Variants in CENPF observed in about 807,000 individuals in gnomAD.
CENPF encodes centromere protein F.
A neutral mutation model predicts 307.3 loss-of-function variants in CENPF; 214 were observed. The observed-to-expected ratio is 0.70, with a 90% CI of 0.62 to 0.78. The LOEUF is 0.78. CENPF is among the 30% of genes least tolerant of loss of function. The probability of loss-of-function intolerance (pLI) is 0.00; values close to 1 mark genes in which losing one functional copy is unlikely to be tolerated. For synonymous variants in CENPF, 1,259 were observed against 1,270.6 expected, an observed-to-expected ratio of 0.99 and a Z score of 0.19; for missense variants, 3,401 against 3,483.9, an observed-to-expected ratio of 0.98 and a Z score of 0.60.
intron 10 of CENPF, among the ~76,000 whole-genome samples, chr1:214,633,812 A>C (rs1657876575): frequency 6.6e-6 from 1 of 152,218 alleles, no homozygotes; most frequent in African/African-American, 2.4e-5. Context: ...GTTTCAGCAA[A>C]ACAAATGTTT....
chr1:214,663,519 A>G (rs1658838022), intron 19 of CENPF, 72 bp from the exon 20 acceptor site: 1 of 1,426,976 alleles, frequency 7.0e-7, no homozygotes, highest in Non-Finnish European at 9.8e-7. Flanking sequence ...ACTTAGTGAC[A>G]TAGTGCTTTA....
At position 214,642,611 on chromosome 1, in the gene CENPF, C is replaced by T. The variant is rs373356010; in HGVS notation, c.4273C>T (p.His1425Tyr). The T allele has an allele frequency of 1.3e-5, 21 of 1,612,556 alleles. No individual in the cohort carries two copies. Among genetic ancestry groups the T allele is most frequent in the Non-Finnish European group, 1.6e-5 (19 of 1,179,266 alleles). Reference sequence around the variant, plus strand: ...TGAACACAAAATTTTACATGATCAGCACTGTCAGATGAGCTCTAAAATGTC... The same window carrying T: ...TGAACACAAAATTTTACATGATCAGTACTGTCAGATGAGCTCTAAAATGTC... Reference protein sequence around the residue: ...QSEHKILHDQHCQMSSKMSEL... With the variant: ...QSEHKILHDQYCQMSSKMSEL... The change falls in exon 12 of 20, where the codon CAC (histidine) becomes TAC (tyrosine). Residue 1425 changes from histidine (H) to tyrosine (Y), a missense_variant. Physicochemically the swap from His to Tyr is moderately conservative, Grantham distance 83 (BLOSUM62 2). Coordinates refer to ENST00000366955, the MANE Select transcript of CENPF (RefSeq NM_016343.4).
intron 10 of CENPF, among the ~76,000 whole-genome samples, chr1:214,636,032 TAAA>T (rs1337093849): frequency 6.6e-6 from 1 of 152,164 alleles, no homozygotes; most frequent in Admixed American, 6.5e-5. Context: ...ATTTGCAAAA[TAAA>T]AATGCTAAGT....
chr1:214,652,719 A>T, intron 15 of CENPF, 109 bp from the exon 16 acceptor site: 1 of 900,030 alleles, frequency 1.1e-6, no homozygotes. Context: ...CTGGGATTAC[A>T]GGTGTGAAAC....
In CENPF at chr1:214,648,827, A is replaced by C; in HGVS notation, c.7983A>C (p.Lys2661Asn). Reference protein sequence around the residue: ...QLLLEEIKSSKDQLKELTLEN... With the variant: ...QLLLEEIKSSNDQLKELTLEN... Reference sequence around the variant, plus strand: ...TGTTGGAAGAAATAAAGAGCAGCAAAGTAAGTTTCTTTGTGACAAGTGTTA... The same window carrying C: ...TGTTGGAAGAAATAAAGAGCAGCAACGTAAGTTTCTTTGTGACAAGTGTTA... The change falls in exon 14 of 20, where the codon AAA becomes AAC. Residue 2661 changes from lysine (K) to asparagine (N), a missense_variant and splice_region_variant. Coordinates refer to ENST00000366955, the MANE Select transcript of CENPF (RefSeq NM_016343.4). The C allele has an allele frequency of 6.2e-7, 1 of 1,612,970 alleles. No homozygotes were observed. Among genetic ancestry groups the C allele is most frequent in the Non-Finnish European group, 8.5e-7 (1 of 1,179,522 alleles).
rs1481500357 is a variant in CENPF, at chr1:214,664,333, A to G, written c.*539A>G. On this transcript the variant is annotated 3_prime_UTR_variant, in exon 20 of 20. Transcript: ENST00000366955. Reference sequence around the variant, plus strand: ...GTAGGAGTGTTTATCTTTCTCTTACAATCTGTTTTAGACATCTTTGCTTAT... The same window carrying G: ...GTAGGAGTGTTTATCTTTCTCTTACGATCTGTTTTAGACATCTTTGCTTAT... 1 of 153,500 alleles carries G rather than the reference A, an allele frequency of 6.5e-6. No individual in the cohort carries two copies. The allele number at this position is 153,500 out of a possible 1,614,324, so 9.5% of individuals were successfully genotyped here.
chr1:214,605,954 A>G, intron 1 of CENPF: 1 of 1,597,288 alleles, frequency 6.3e-7, no homozygotes, highest in Non-Finnish European at 8.5e-7. Flanking sequence ...GGCGACGCGC[A>G]TGCCCGAGGT....
At chr1:214,631,532 C>T (rs555952015) in intron 9 of CENPF, among the ~76,000 whole-genome samples, 4 of 151,934 alleles carry the variant, frequency 2.6e-5, no homozygotes, top group African/African-American at 9.7e-5. Context: ...CGGAGTCTCC[C>T]TCTGTCACCC....
rs1469270051 is a variant in CENPF, at chr1:214,664,088, C to T, written c.*294C>T. 4.0e-6 allele frequency: 1 copy of T among 247,764 alleles called. No homozygotes were observed. Among genetic ancestry groups the T allele is most frequent in the African/African-American group, 2.2e-5 (1 of 45,052 alleles). 15.3% of individuals were successfully genotyped at this position (247,764 alleles called of 1,614,324 possible). ...ACAATTAAAATGACAAGCACTATAT[C>T]ACAATCTCTGTTTGTATGTGGGTTT... is the stretch of plus-strand genomic sequence containing the variant. On this transcript the variant is annotated 3_prime_UTR_variant, in exon 20 of 20. Transcript: ENST00000366955.
intron 1 of CENPF, chr1:214,605,737 G>A (rs1657007786): frequency 6.3e-7 from 1 of 1,594,350 alleles, no homozygotes; most frequent in Admixed American, 1.7e-5. Context: ...GGTACTGGCT[G>A]TAGAGCTCGA....
chr1:214,626,540 CA>C (rs1338580460), intron 7 of CENPF, among the ~76,000 whole-genome samples: 2 of 152,170 alleles, frequency 1.3e-5, no homozygotes, highest in Non-Finnish European at 2.9e-5. Context: ...TTGATCCATG[CA>C]TTTAATATCC....
At chr1:214,615,713 T>C (rs1352472983) in intron 3 of CENPF, among the ~76,000 whole-genome samples, 3 of 152,012 alleles carry the variant, frequency 2.0e-5, no homozygotes, top group Non-Finnish European at 4.4e-5. Context: ...CCGAGGCAAG[T>C]GGATTACCTG....
At chr1:214,608,630 T>G in intron 1 of CENPF, 1 of 1,605,286 alleles carries the variant, frequency 6.2e-7, no homozygotes, top group Non-Finnish European at 8.5e-7. Flanking sequence ...GCGCGCTCCG[T>G]CAGGTGCAGC....
chr1:214,654,963 G>A (rs938508420), intron 16 of CENPF, among the ~76,000 whole-genome samples: 11 of 151,310 alleles, frequency 7.3e-5, no homozygotes, highest in Non-Finnish European at 1.5e-4. Flanking sequence ...ATTCCCATTG[G>A]ATAAATACAG....
chr1:214,632,529 A>T lies in CENPF; in HGVS notation c.1373A>T (p.Gln458Leu). The change falls in exon 10 of 20, where the codon CAA becomes CTA. Residue 458 changes from glutamine to leucine, a missense_variant. Coordinates refer to ENST00000366955, the MANE Select transcript of CENPF (RefSeq NM_016343.4). ...GAAAACAATTTGGAAGAGTTTAAGC[A>T]AAAGTTGTGCAGAGCTGAACAGGCG... ...QLENNLEEFK[Q>L]KLCRAEQAFQ... 1 of 1,614,168 alleles carries T rather than the reference A, an allele frequency of 6.2e-7. No homozygotes were observed. Among genetic ancestry groups the T allele is most frequent in the Admixed American group, 1.7e-5 (1 of 60,020 alleles).
At chr1:214,603,593 G>A (rs17023266) in intron 1 of CENPF, 12,069 of 152,158 alleles carry the variant, frequency 0.079, 1,277 homozygotes, top group African/African-American at 0.25. Flanking sequence ...CTCGGTCACG[G>A]ACTCACACTT....
intron 7 of CENPF, among the ~76,000 whole-genome samples, chr1:214,623,548 T>C (rs1354312789): frequency 2.2e-5 from 3 of 136,108 alleles, no homozygotes; most frequent in Admixed American, 6.8e-5. Flanking sequence ...TGTTATTTTG[T>C]TGTTGTTGTT....
intron 3 of CENPF, among the ~76,000 whole-genome samples, chr1:214,616,240 CTTTTG>C (rs1307124997): frequency 1.3e-5 from 2 of 151,948 alleles, no homozygotes; most frequent in African/African-American, 2.4e-5. Context: ...GCAGGGTATA[CTTTTG>C]TTTAAGTAAT....
chr1:214,634,451 A>G (rs1260332940), intron 10 of CENPF, among the ~76,000 whole-genome samples: 1 of 152,136 alleles, frequency 6.6e-6, no homozygotes, highest in African/African-American at 2.4e-5. Flanking sequence ...CTTTTCTGCC[A>G]CCTACCACAA....
Sources: allele counts gnomAD v4.1 joint callset (sites outside exome capture counted in the v4.1 genomes callset), GRCh38; gene constraint gnomAD v4.1.1; transcripts MANE v1.5; gene names NCBI Gene and HGNC (gene_info 2026-07-23, HGNC 2026-07-21).